HOOK2: variants seen among roughly 807,000 people sequenced by gnomAD.
HOOK2 encodes the protein protein Hook homolog 2.
Under a neutral mutation model 111.9 loss-of-function variants are expected in HOOK2, and 108 were observed. The observed-to-expected ratio is 0.96, with a 90% CI of 0.83 to 1.13. HOOK2 has a LOEUF of 1.13. HOOK2 is among the 50% of genes most tolerant of loss of function. HOOK2 has a pLI of 0.00. For missense variants in HOOK2, 978 were observed against 951.3 expected, an observed-to-expected ratio of 1.03 and a Z score of -0.37; for synonymous variants, 405 against 394.3, an observed-to-expected ratio of 1.03 and a Z score of -0.32.
rs1409880663 is a variant in HOOK2 at position 12,766,251 on chromosome 19, G to A, written c.1374-11C>T. On this transcript the variant is annotated splice_polypyrimidine_tract_variant and intron_variant, in intron 14 of 22. Transcript: ENST00000397668. The stretch of plus-strand genomic sequence containing the variant: ...CGCAGGAGCGTCTCCCTGCAGACCC[G>A]GGAGGAGAGAGCAGGGCCAGGGTCG... 2 of 1,558,340 alleles carry A rather than the reference G, an allele frequency of 1.3e-6. No individual in the cohort carries two copies. The highest frequency in any genetic ancestry group is 1.4e-5 in the African/African-American group (1 of 74,066).
intron 17 of HOOK2, 40 bp from the exon 18 acceptor site, chr19:12,765,764 G>GCT: frequency 6.2e-7 from 1 of 1,614,200 alleles, no homozygotes; most frequent in Non-Finnish European, 8.5e-7. Context: ...GGGATCCAGA[G>GCT]AGGCCCTAAT....
At chr19:12,765,161 C>T in intron 18 of HOOK2, 80 bp from the exon 19 acceptor site, 1 of 1,406,440 alleles carries the variant, frequency 7.1e-7, no homozygotes, top group African/African-American at 1.4e-5. Context: ...ACAGACCTCC[C>T]CGCCAGCCAG....
rs779042870 is a variant in HOOK2 at position 12,774,651 on chromosome 19, C to G, written c.204+18G>C. Reference sequence around the variant, plus strand: ...TCTCTTCACCAGTCTGTCCTCTAATCAGGAGTCCACTTGTCACCTTCAGCT... The same window carrying G: ...TCTCTTCACCAGTCTGTCCTCTAATGAGGAGTCCACTTGTCACCTTCAGCT... On this transcript the variant is annotated intron_variant, in intron 3 of 22. Transcript: ENST00000397668. The G allele has an allele frequency of 2.0e-5, 32 of 1,613,466 alleles. No homozygotes were observed. The highest frequency in any genetic ancestry group is 5.3e-5 in the African/African-American group (4 of 74,926).
rs1177230401 is a variant in HOOK2, at chr19:12,768,256, T to C, written c.1105-133A>G. 7.0e-6 allele frequency: 5 copies of C among 715,592 alleles called. No homozygotes were observed. The East Asian group carries it at 1.1e-4, about 16-fold the overall frequency. The allele number at this position is 715,592 out of a possible 1,614,324, so 44.3% of individuals were successfully genotyped here. ...CTTTACTATGGTGCTTTCAGCTGTGTATGTTTTTGCTTGTTTTTTTTAGAG... is the reference window on the plus strand; with the variant it reads ...CTTTACTATGGTGCTTTCAGCTGTGCATGTTTTTGCTTGTTTTTTTTAGAG... On this transcript the variant is annotated intron_variant, in intron 11 of 22. Coordinates refer to ENST00000397668, the MANE Select transcript of HOOK2 (RefSeq NM_013312.3).
upstream of HOOK2, among the ~76,000 whole-genome samples, chr19:12,777,463 G>C (rs944009454): frequency 1.3e-5 from 2 of 152,202 alleles, no homozygotes; most frequent in Admixed American, 6.5e-5. Context: ...CTGGACGTCA[G>C]GGGGGAGACC....
intron 3 of HOOK2, among the ~76,000 whole-genome samples, chr19:12,789,164 C>T (rs75888679): frequency 0.018 from 2,710 of 151,704 alleles, 85 homozygotes; most frequent in African/African-American, 0.062. Flanking sequence ...AAGACAGAGG[C>T]CTGGGAAGCT....
At chr19:12,784,636 CAG>C (rs1296278429) in intron 3 of HOOK2, 1 of 152,258 alleles carries the variant, frequency 6.6e-6, no homozygotes, top group East Asian at 1.9e-4. Context: ...AAGACAGACA[CAG>C]AGTGAACTAT....
intron 3 of HOOK2, chr19:12,774,239 G>T: frequency 4.7e-6 from 1 of 214,062 alleles, no homozygotes; most frequent in Non-Finnish European, 9.7e-6. Flanking sequence ...CCAAGTAACT[G>T]GGATTACAGG....
rs1968661954 is a variant in HOOK2 at position 12,786,790 on chromosome 19, G to A, written n.42-12565C>T. 6.6e-6 allele frequency among the ~76,000 whole-genome samples: 1 copy of A among 152,206 alleles called. No homozygotes were observed. The highest frequency in any genetic ancestry group is 6.5e-5 in the Admixed American group (1 of 15,286). On this transcript the variant is annotated intron_variant and non_coding_transcript_variant, in intron 3 of 3. Coordinates refer to the HOOK2 transcript ENST00000589765. The surrounding 1 kb of genome is among the most constrained non-coding windows in gnomAD (Gnocchi z 4.3). ...CTCAAACACCCATGCAGAGTGTTTG[G>A]AGGAACCCTACTCCCACATGCTGGC...
Position 12,790,181 on chromosome 19 carries a change from G to C in HOOK2, n.42-15956C>G, listed in dbSNP as rs930662106. 1.3e-5 allele frequency among the ~76,000 whole-genome samples: 2 copies of C among 152,190 alleles called. No individual in the cohort carries two copies. Among genetic ancestry groups the C allele is most frequent in the Non-Finnish European group, 2.9e-5 (2 of 68,026 alleles). On this transcript the variant is annotated intron_variant and non_coding_transcript_variant, in intron 3 of 3. Transcript: ENST00000589765. The surrounding 1 kb of genome is among the most constrained non-coding windows in gnomAD (Gnocchi z 7.2). Reference sequence around the variant, plus strand: ...GCTGGAGGCTGCCGCGGCTGGGCGGGCTCCAAGCACCCGGGCCTCCGCGGG... The same window carrying C: ...GCTGGAGGCTGCCGCGGCTGGGCGGCCTCCAAGCACCCGGGCCTCCGCGGG...
chr19:12,781,823 G>T (rs1968605441), upstream of HOOK2, among the ~76,000 whole-genome samples: 1 of 151,740 alleles, frequency 6.6e-6, no homozygotes, highest in African/African-American at 2.4e-5. Flanking sequence ...GTGCAAAACT[G>T]TGTCCCTCCC....
Position 12,764,819 on chromosome 19 carries a change from G to A in HOOK2, c.1822C>T (p.Arg608Cys), listed in dbSNP as rs201025992. The A allele has an allele frequency of 2.2e-4, 356 of 1,613,320 alleles. 6 individuals are homozygous for A. The South Asian group carries it at 3.5e-3, about 16-fold the overall frequency. ...ERYRRYVDKA[R>C]MVMQTMEPKQ... ...GGAACACCCAGCGTCCTCACCATGC[G>A]GGCCTTGTCCACGTAGCGGCGGTAT... Residue 608 changes from arginine to cysteine, a missense_variant, in exon 20 of 23, where the codon CGC becomes TGC. By Grantham distance (180) the Arg-to-Cys change is radical (BLOSUM62 -3). This residue lies in a region of HOOK2 where 277 missense variants were observed against 265.8 expected (regional missense o/e 1.04). Coordinates refer to ENST00000397668, the MANE Select transcript of HOOK2 (RefSeq NM_013312.3).
chr19:12,763,739 C>T lies in HOOK2; in HGVS notation c.1867G>A (p.Gly623Arg). ...AGGGAATGGAGTTCTGGAGGTGCCC[C>T]CGCAGCTGGCCGCTGCTTGGGTTCC... ...TMEPKQRPAA[G>R]APPELHSLRT... is the part of the protein sequence containing the mutation. Residue 623 changes from glycine (G) to arginine (R), a missense_variant, in exon 21 of 23, where the codon GGG becomes AGG. Gly to Arg is a moderately radical substitution (Grantham distance 125). Coordinates refer to ENST00000397668, the MANE Select transcript of HOOK2 (RefSeq NM_013312.3). The T allele has an allele frequency of 6.2e-7, 1 of 1,614,176 alleles. No individual in the cohort carries two copies. Among genetic ancestry groups the T allele is most frequent in the Non-Finnish European group, 8.5e-7 (1 of 1,180,024 alleles).
At chr19:12,771,130 T>G (rs1968316464) in intron 9 of HOOK2, 29 bp downstream of exon 9, 1 of 1,611,376 alleles carries the variant, frequency 6.2e-7, no homozygotes, top group Non-Finnish European at 8.5e-7. Flanking sequence ...TCCCCTGGCT[T>G]GCCTGGCCCA....
upstream of HOOK2, among the ~76,000 whole-genome samples, chr19:12,776,801 T>A (rs935120641): frequency 2.0e-5 from 3 of 151,324 alleles, no homozygotes; most frequent in Non-Finnish European, 4.4e-5. Flanking sequence ...TGAGCCGTGA[T>A]AGGGCCACTA....
rs748227902 is a variant in HOOK2, at chr19:12,765,923, T to G, written c.1599+4A>C. The G allele has an allele frequency of 2.6e-4, 421 of 1,613,640 alleles. No homozygotes were observed. Among genetic ancestry groups the G allele is most frequent in the Non-Finnish European group, 3.1e-4 (363 of 1,179,760 alleles). On this transcript the variant is annotated splice_donor_region_variant and intron_variant, in intron 16 of 22. Coordinates refer to ENST00000397668, the MANE Select transcript of HOOK2 (RefSeq NM_013312.3). ...CAGGCTGGGAGGTGGTGGGTGACAC[T>G]CACATCTTCAGTCTTGCCCCCCTGC...
At chr19:12,788,786 C>G (rs999342074) in intron 3 of HOOK2, among the ~76,000 whole-genome samples, 1 of 152,230 alleles carries the variant, frequency 6.6e-6, no homozygotes, top group Non-Finnish European at 1.5e-5. Context: ...AGTTATTAGC[C>G]TGGGCGGGAG....
At position 12,768,059 on chromosome 19, in the gene HOOK2, C is replaced by G; in HGVS notation, c.1169G>C (p.Cys390Ser). The G allele has an allele frequency of 6.2e-7, 1 of 1,614,242 alleles. No homozygotes were observed. Among genetic ancestry groups the G allele is most frequent in the African/African-American group, 1.3e-5 (1 of 75,068 alleles). Residue 390 changes from cysteine to serine, a missense_variant, in exon 12 of 23, where the codon TGC becomes TCC. Around this residue, in one of 5 missense-constraint regions of HOOK2, gnomAD observed 388 missense variants for 358.3 expected, o/e 1.08. Coordinates refer to ENST00000397668, the MANE Select transcript of HOOK2 (RefSeq NM_013312.3). ...CTCATACTTTTCCTCCAGGTTGCGG[C>G]ATTCAAATAGCCATTTCTCGGCCTT... Reference protein sequence around the residue: ...AMKAEKWLFECRNLEEKYESV... With the variant: ...AMKAEKWLFESRNLEEKYESV...
In HOOK2 at chr19:12,766,043, T is replaced by A. The variant is rs200465986; in HGVS notation, c.1512-29A>T. The A allele has an allele frequency of 2.2e-5, 36 of 1,610,282 alleles. No individual in the cohort carries two copies. The African/African-American group carries it at 4.4e-4, about 20-fold the overall frequency. On this transcript the variant is annotated intron_variant, in intron 15 of 22. Coordinates refer to ENST00000397668, the MANE Select transcript of HOOK2 (RefSeq NM_013312.3). Reference sequence around the variant, plus strand: ...CGAGGGTGGGGGGCCGCTTAGTGCCTGTGCCCACTTTTGGCCCCCTCTGTC... The same window carrying A: ...CGAGGGTGGGGGGCCGCTTAGTGCCAGTGCCCACTTTTGGCCCCCTCTGTC...
Sources: gnomAD v4.1 joint callset for allele counts (sites outside exome capture counted in the v4.1 genomes callset) on GRCh38, gnomAD v4.1.1 for gene constraint, gnomAD v4.1.1 regional missense constraint, Gnocchi (gnomAD v3.1) non-coding constraint, MANE v1.5 for transcripts, NCBI Gene and HGNC (gene_info 2026-07-23, HGNC 2026-07-21) for gene names.